GNAQ: variants seen among roughly 807,000 people sequenced by gnomAD.
GNAQ encodes the protein G protein subunit alpha q.
GNAQ carries 8 observed loss-of-function variants against 43.9 expected under a neutral mutation model. That is an observed-to-expected ratio of 0.18 (90% CI 0.11 to 0.33). GNAQ has a LOEUF of 0.33. GNAQ is among the 10% of genes least tolerant of loss of function. The pLI is 1.00. For missense variants in GNAQ, 158 were observed against 450.8 expected (o/e 0.35, Z 5.88); for synonymous variants, 155 against 170.7 (o/e 0.91, Z 0.71).
intron 1 of GNAQ, among the ~76,000 whole-genome samples, chr9:78,029,812 T>TTC (rs777102546): frequency 8.5e-5 from 13 of 152,252 alleles, no homozygotes; most frequent in Non-Finnish European, 1.6e-4. Context: ...CAGTACAATA[T>TTC]TCTTTTCTTA....
At chr9:77,938,056 G>T (rs528712197) in intron 1 of GNAQ, among the ~76,000 whole-genome samples, 1 of 152,074 alleles carries the variant, frequency 6.6e-6, no homozygotes, top group South Asian at 2.1e-4. Context: ...CAGATGCTTA[G>T]GGGCCCCATA....
intron 1 of GNAQ, among the ~76,000 whole-genome samples, chr9:77,980,770 C>G (rs1256453331): frequency 1.3e-5 from 2 of 152,116 alleles, no homozygotes; most frequent in African/African-American, 2.4e-5. Flanking sequence ...ATCATGAATT[C>G]TAGAATTCTG....
At chr9:77,759,969 A>G (rs1290369905) in intron 5 of GNAQ, among the ~76,000 whole-genome samples, 1 of 137,402 alleles carries the variant, frequency 7.3e-6, no homozygotes, top group East Asian at 2.1e-4. Flanking sequence ...TATGTTGCCC[A>G]GGCTGGTCTC....
chr9:78,025,193 G>A (rs1329973649), intron 1 of GNAQ, among the ~76,000 whole-genome samples: 1 of 151,694 alleles, frequency 6.6e-6, no homozygotes, highest in Non-Finnish European at 1.5e-5. Flanking sequence ...TTTACATATC[G>A]GTAATGTAAC....
rs77188630 is a variant in GNAQ at position 77,749,488 on chromosome 9, C to T, written c.736-20821G>A. 6.9e-3 allele frequency among the ~76,000 whole-genome samples: 1,058 copies of T among 152,276 alleles called. 12 individuals carry two copies. The highest frequency in any genetic ancestry group is 0.048 in the East Asian group (249 of 5,184). On this transcript the variant is annotated intron_variant, in intron 5 of 6. Transcript: ENST00000286548. ...TTCCCAGGAATGTCTTGTACAGGAA[C>T]AAGTTTTTGCTGAGAACTGAGGACT...
intron 1 of GNAQ, among the ~76,000 whole-genome samples, chr9:78,014,685 ATGT>A (rs1823815379): frequency 6.6e-6 from 1 of 152,232 alleles, no homozygotes; most frequent in Non-Finnish European, 1.5e-5. Flanking sequence ...CATCAAGTAA[ATGT>A]AAACAACAGA....
At position 77,769,584 on chromosome 9, in the gene GNAQ, C is replaced by T. The variant is rs972467546; in HGVS notation, c.735+24879G>A. 5.9e-5 allele frequency among the ~76,000 whole-genome samples: 9 copies of T among 151,552 alleles called. No individual in the cohort carries two copies. In the Middle Eastern group the frequency reaches 0.014, roughly 232 times the overall value. On this transcript the variant is annotated intron_variant, in intron 5 of 6. Transcript: ENST00000286548. ...TCTTATCTACTGAGACTATGCTACT[C>T]GGTTGAAAAGAAAACGAATGCAGAC...
chr9:77,778,435 G>A (rs1826339303), intron 5 of GNAQ, among the ~76,000 whole-genome samples: 3 of 151,806 alleles, frequency 2.0e-5, no homozygotes, highest in Admixed American at 2.0e-4. Context: ...GAAGTATAAC[G>A]AATATGCTAA....
At chr9:77,964,430 C>T (rs1823142101) in intron 1 of GNAQ, among the ~76,000 whole-genome samples, 1 of 152,138 alleles carries the variant, frequency 6.6e-6, no homozygotes, top group African/African-American at 2.4e-5. Flanking sequence ...ACTTTAACAA[C>T]CCTGTTAACC....
At chr9:77,763,961 T>C (rs1826094658) in intron 5 of GNAQ, among the ~76,000 whole-genome samples, 1 of 152,250 alleles carries the variant, frequency 6.6e-6, no homozygotes, top group South Asian at 2.1e-4. Flanking sequence ...TTTTGTTTTC[T>C]TCGAAGGCTT....
At chr9:77,856,225 G>T (rs150262401) in intron 2 of GNAQ, among the ~76,000 whole-genome samples, 18 of 152,250 alleles carry the variant, frequency 1.2e-4, no homozygotes, top group Non-Finnish European at 2.5e-4. Context: ...AACTCTGGAG[G>T]AACTGAAAAG....
intron 3 of GNAQ, among the ~76,000 whole-genome samples, chr9:77,801,556 C>T (rs1019559558): frequency 6.6e-6 from 1 of 152,278 alleles, no homozygotes; most frequent in South Asian, 2.1e-4. Flanking sequence ...GCAGTTTTTG[C>T]TTGCCATTCT....
chr9:78,001,357 C>T (rs533050820), intron 1 of GNAQ, among the ~76,000 whole-genome samples: 3 of 151,928 alleles, frequency 2.0e-5, no homozygotes, highest in Admixed American at 1.3e-4. Context: ...GCTGAGATCG[C>T]GCCACTGCAC....
chr9:77,730,014 A>G (rs1045558246), intron 5 of GNAQ, among the ~76,000 whole-genome samples: 7 of 152,218 alleles, frequency 4.6e-5, no homozygotes, highest in African/African-American at 1.7e-4. Flanking sequence ...GTGGAAAAGG[A>G]ATCATGGAGC....
chr9:77,871,769 CAGAAT>C (rs1828042100), intron 2 of GNAQ, among the ~76,000 whole-genome samples: 2 of 152,050 alleles, frequency 1.3e-5, no homozygotes, highest in African/African-American at 4.8e-5. Flanking sequence ...AATAGAATTG[CAGAAT>C]TTTACTACCT....
intron 5 of GNAQ, among the ~76,000 whole-genome samples, chr9:77,732,502 A>C (rs964321068): frequency 4.0e-5 from 6 of 151,840 alleles, no homozygotes; most frequent in African/African-American, 1.5e-4. Flanking sequence ...AGTGGCTGGG[A>C]CTACAGGTGT....
intron 1 of GNAQ, among the ~76,000 whole-genome samples, chr9:77,994,218 T>C (rs1244212178): frequency 6.6e-6 from 1 of 152,120 alleles, no homozygotes; most frequent in Admixed American, 6.6e-5. Flanking sequence ...TTAAAATGTT[T>C]TGTGGAGATG....
chr9:77,904,384 G>A (rs1828669572), intron 2 of GNAQ, among the ~76,000 whole-genome samples: 1 of 130,372 alleles, frequency 7.7e-6, no homozygotes, highest in African/African-American at 3.0e-5. Context: ...CCAGGCTGGA[G>A]TGCAGTGGTA....
intron 5 of GNAQ, among the ~76,000 whole-genome samples, chr9:77,785,764 A>G (rs936291395): frequency 6.6e-6 from 1 of 152,254 alleles, no homozygotes; most frequent in East Asian, 1.9e-4. Context: ...AGTTTGTTAT[A>G]AAAGACATAA....
Sources: allele counts gnomAD v4.1 joint callset (sites outside exome capture counted in the v4.1 genomes callset), GRCh38; gene constraint gnomAD v4.1.1; transcripts MANE v1.5; gene names NCBI Gene and HGNC (gene_info 2026-07-23, HGNC 2026-07-21).